The following CSMD1 variants were observed in gnomAD, a reference collection of about 807,000 sequenced individuals.
CSMD1 encodes CUB and sushi domain-containing protein 1.
CSMD1 carries 213 observed loss-of-function variants against 417.5 expected under a neutral mutation model. The observed-to-expected ratio is 0.51, with a 90% CI of 0.46 to 0.57. The LOEUF (loss-of-function observed/expected upper bound fraction) is 0.57. CSMD1 is among the 20% of genes least tolerant of loss of function. The probability of loss-of-function intolerance (pLI) is 0.00; values close to 1 mark genes in which losing one functional copy is unlikely to be tolerated. For missense variants in CSMD1, 6,923 were observed against 4,529.7 expected, an observed-to-expected ratio of 1.53 and a Z score of -15.17; for synonymous variants, 2,862 against 1,736.8, an observed-to-expected ratio of 1.65 and a Z score of -16.11.
At position 3,971,086 on chromosome 8, in the gene CSMD1, T is replaced by C. The variant is rs148504678; in HGVS notation, c.818+26817A>G. On this transcript the variant is annotated intron_variant, in intron 5 of 69. Coordinates refer to ENST00000635120, the MANE Select transcript of CSMD1 (RefSeq NM_033225.6). ...CTTAATACAAATGGGGGAGCCGATGTCTGATGACATAGAACCATGTGATCC... is the reference window on the plus strand; with the variant it reads ...CTTAATACAAATGGGGGAGCCGATGCCTGATGACATAGAACCATGTGATCC... 2.0e-3 allele frequency among the ~76,000 whole-genome samples: 310 copies of C among 152,308 alleles called. 1 individual carries two copies. The highest frequency in any genetic ancestry group is 6.8e-3 in the Middle Eastern group (2 of 294).
intron 10 of CSMD1, among the ~76,000 whole-genome samples, chr8:3,497,574 T>A (rs1330394908): frequency 6.6e-6 from 1 of 152,146 alleles, no homozygotes; most frequent in African/African-American, 2.4e-5. Flanking sequence ...CATTTCACAT[T>A]TTTTCACTTA....
chr8:4,019,592 G>C (rs1050985856), intron 4 of CSMD1, among the ~76,000 whole-genome samples: 3 of 152,132 alleles, frequency 2.0e-5, no homozygotes, highest in Admixed American at 2.0e-4. Context: ...GCTCTTGCTG[G>C]CTGCTTGTTG....
chr8:4,856,006 G>A (rs928276228), intron 1 of CSMD1, among the ~76,000 whole-genome samples: 8 of 151,878 alleles, frequency 5.3e-5, no homozygotes, highest in African/African-American at 1.9e-4. Flanking sequence ...GTTAAGGGCA[G>A]CCAGAGAGAA....
At chr8:3,298,873 T>C (rs949173598) in intron 25 of CSMD1, among the ~76,000 whole-genome samples, 1 of 152,354 alleles carries the variant, frequency 6.6e-6, no homozygotes, top group Middle Eastern at 3.4e-3. Context: ...CAGATAATTT[T>C]CCCTTTCTTT....
intron 1 of CSMD1, among the ~76,000 whole-genome samples, chr8:4,980,155 C>G (rs1197443844): frequency 6.6e-6 from 1 of 152,190 alleles, no homozygotes; most frequent in Non-Finnish European, 1.5e-5. Context: ...CTGTAACACG[C>G]ACACACAGAG....
chr8:3,194,254 G>C (rs922343622), intron 33 of CSMD1, among the ~76,000 whole-genome samples: 1 of 151,962 alleles, frequency 6.6e-6, no homozygotes, highest in Non-Finnish European at 1.5e-5. Flanking sequence ...AAAAGAAGAA[G>C]AAACCAAGGG....
At chr8:3,438,638 G>C (rs6558770) in intron 12 of CSMD1, among the ~76,000 whole-genome samples, 15,378 of 152,158 alleles carry the variant, frequency 0.1, 845 homozygotes, top group Middle Eastern at 0.14. Flanking sequence ...TTGTTTAACT[G>C]TTTGCATCTT....
chr8:4,708,765 G>A (rs187340736), intron 1 of CSMD1, among the ~76,000 whole-genome samples: 3 of 152,070 alleles, frequency 2.0e-5, no homozygotes, highest in South Asian at 2.1e-4. Flanking sequence ...CCCCAGCATG[G>A]GACTATATTT....
At chr8:3,899,546 G>C (rs994425015) in intron 5 of CSMD1, among the ~76,000 whole-genome samples, 1 of 152,102 alleles carries the variant, frequency 6.6e-6, no homozygotes, top group African/African-American at 2.4e-5. Context: ...AACATCTAAG[G>C]ACATTAAAAA....
intron 3 of CSMD1, among the ~76,000 whole-genome samples, chr8:4,390,258 C>T (rs1438214): frequency 0.32 from 48,936 of 151,810 alleles, 8,268 homozygotes; most frequent in Non-Finnish European, 0.38. Flanking sequence ...AAAGAAAAAC[C>T]AACTACTTTT....
intron 1 of CSMD1, among the ~76,000 whole-genome samples, chr8:4,657,014 C>G (rs75103576): frequency 6.6e-6 from 1 of 152,032 alleles, no homozygotes; most frequent in Non-Finnish European, 1.5e-5. Flanking sequence ...CCGTAGGGCA[C>G]GCAAAGCCAC....
At chr8:4,261,132 C>CT (rs979988888) in intron 3 of CSMD1, among the ~76,000 whole-genome samples, 2 of 152,108 alleles carry the variant, frequency 1.3e-5, no homozygotes, top group Non-Finnish European at 2.9e-5. Context: ...TTGTTAGACT[C>CT]TTTTTTCTCC....
intron 42 of CSMD1, among the ~76,000 whole-genome samples, chr8:3,110,563 A>T (rs916637615): frequency 6.6e-6 from 1 of 152,232 alleles, no homozygotes; most frequent in Non-Finnish European, 1.5e-5. Flanking sequence ...TATATTCTCC[A>T]TATCTTCAAA....
chr8:3,508,423 G>C (rs1796925485), intron 10 of CSMD1, among the ~76,000 whole-genome samples: 1 of 151,984 alleles, frequency 6.6e-6, no homozygotes, highest in East Asian at 1.9e-4. Context: ...GAGTTAATGG[G>C]TGCAGCACAC....
At chr8:3,359,882 G>T (rs550895989) in intron 20 of CSMD1, among the ~76,000 whole-genome samples, 2 of 152,240 alleles carry the variant, frequency 1.3e-5, no homozygotes, top group South Asian at 4.2e-4. Context: ...CAATTATTAT[G>T]TAACTAGAAG....
chr8:3,630,490 G>C (rs921176847), intron 7 of CSMD1, among the ~76,000 whole-genome samples: 7 of 152,164 alleles, frequency 4.6e-5, no homozygotes, highest in African/African-American at 1.4e-4. Context: ...GCTTAGATGA[G>C]AAGGTCCAAT....
At chr8:3,075,914 G>A (rs1326524875) in intron 49 of CSMD1, among the ~76,000 whole-genome samples, 23 of 151,532 alleles carry the variant, frequency 1.5e-4, no homozygotes, top group South Asian at 2.1e-4. Context: ...AGCCGGGCGT[G>A]GTGGCGGGCG....
At chr8:3,638,209 T>C (rs972199889) in intron 7 of CSMD1, among the ~76,000 whole-genome samples, 3 of 152,266 alleles carry the variant, frequency 2.0e-5, no homozygotes, top group Admixed American at 6.5e-5. Flanking sequence ...GTCTTGGAGT[T>C]CAGAACTGGG....
intron 10 of CSMD1, among the ~76,000 whole-genome samples, chr8:3,520,801 G>C: frequency 6.6e-6 from 1 of 151,966 alleles, no homozygotes; most frequent in Non-Finnish European, 1.5e-5. Flanking sequence ...CATCTGTAGA[G>C]GAAATCTCCA....
Sources: gnomAD v4.1 joint callset for allele counts (sites outside exome capture counted in the v4.1 genomes callset) on GRCh38, gnomAD v4.1.1 for gene constraint, MANE v1.5 for transcripts, NCBI Gene and HGNC (gene_info 2026-07-23, HGNC 2026-07-21) for gene names.